ZNF329: variants seen among roughly 807,000 people sequenced by gnomAD.
The protein encoded by ZNF329 is zinc finger protein 329.
A neutral mutation model predicts 26.6 loss-of-function variants in ZNF329; 15 were observed. The observed-to-expected ratio is 0.56, with a 90% CI of 0.38 to 0.87. ZNF329 has a LOEUF of 0.87. Ranked by LOEUF, ZNF329 falls within the 40% of genes least tolerant of loss-of-function variation. The pLI is 0.00. For synonymous variants in ZNF329, 239 were observed against 233.5 expected, an observed-to-expected ratio of 1.02 and a Z score of -0.21; for missense variants, 651 against 651.9, an observed-to-expected ratio of 1.00 and a Z score of 0.02.
upstream of ZNF329, among the ~76,000 whole-genome samples, chr19:58,151,129 G>A (rs1294829957): frequency 1.3e-5 from 2 of 152,192 alleles, no homozygotes; most frequent in South Asian, 2.1e-4. Context: ...CGTGGCTCAC[G>A]CCTGTAATCC....
chr19:58,149,689 CA>C (rs2075405835), intron 1 of ZNF329, among the ~76,000 whole-genome samples: 1 of 152,238 alleles, frequency 6.6e-6, no homozygotes, highest in East Asian at 1.9e-4. Context: ...CGTACTTCAA[CA>C]AGCCCAAGTT....
intron 3 of ZNF329, among the ~76,000 whole-genome samples, chr19:58,137,425 G>T (rs2075095223): frequency 6.6e-6 from 1 of 152,008 alleles, no homozygotes; most frequent in South Asian, 2.1e-4. Context: ...ATGGTGGCAG[G>T]TGCCTGTAGT....
upstream of ZNF329, chr19:58,154,714 G>A (rs1243327096): frequency 6.6e-6 from 1 of 152,146 alleles, no homozygotes; most frequent in Non-Finnish European, 1.5e-5. Context: ...CCCGCCCCAG[G>A]CGGAGGTCGG....
intron 1 of ZNF329, among the ~76,000 whole-genome samples, chr19:58,150,550 G>A (rs997071456): frequency 1.3e-5 from 2 of 152,372 alleles, no homozygotes; most frequent in African/African-American, 4.8e-5. Flanking sequence ...AATCGCCACG[G>A]AGCGTCCCCA....
rs1340194048 is a variant in ZNF329, at chr19:58,127,951, T to C, written c.1553A>G (p.Lys518Arg). The change falls in exon 4 of 4, where the codon AAA becomes AGA. Residue 518 changes from lysine to arginine, a missense_variant. Transcript: ENST00000598312. ...AAGGGATGAGCTCTTTTGGAACATT[T>C]TTCCACACTGAGGACACCGGCTGGG... The part of the protein sequence containing the change: ...EGPSRCPQCG[K>R]MFQKSSSLVR... 6.2e-7 allele frequency: 1 copy of C among 1,613,702 alleles called. No homozygotes were observed. The highest frequency in any genetic ancestry group is 8.5e-7 in the Non-Finnish European group (1 of 1,179,858).
chr19:58,141,893 CA>C (rs75871989), intron 3 of ZNF329, among the ~76,000 whole-genome samples: 242 of 123,154 alleles, frequency 2.0e-3, no homozygotes, highest in Middle Eastern at 4.1e-3. Context: ...ACCTCCATCT[CA>C]AAAAAAAAAA....
chr19:58,147,549 G>A (rs2075347773), intron 1 of ZNF329, among the ~76,000 whole-genome samples: 1 of 144,700 alleles, frequency 6.9e-6, no homozygotes, highest in South Asian at 2.1e-4. Flanking sequence ...GGGAGGTGGG[G>A]GGGTCAGCCC....
At chr19:58,146,709 C>A (rs2075318589) in intron 1 of ZNF329, among the ~76,000 whole-genome samples, 1 of 152,094 alleles carries the variant, frequency 6.6e-6, no homozygotes, top group African/African-American at 2.4e-5. Flanking sequence ...CGCCGCCACG[C>A]CTGACTGGTT....
chr19:58,141,326 T>A (rs887582701), intron 3 of ZNF329, among the ~76,000 whole-genome samples: 25 of 149,526 alleles, frequency 1.7e-4, no homozygotes, highest in Admixed American at 6.7e-5. Flanking sequence ...TGAGACAGAG[T>A]CTCGCTGTGT....
chr19:58,135,990 T>A (rs2075056087), intron 3 of ZNF329, among the ~76,000 whole-genome samples: 1 of 152,094 alleles, frequency 6.6e-6, no homozygotes, highest in Non-Finnish European at 1.5e-5. Context: ...CCCAGCACTT[T>A]AGGGGGCAGA....
At chr19:58,150,167 A>G (rs193053136) in intron 1 of ZNF329, among the ~76,000 whole-genome samples, 1 of 152,350 alleles carries the variant, frequency 6.6e-6, no homozygotes, top group Non-Finnish European at 1.5e-5. Context: ...AATGGTCACT[A>G]AACACGTGCA....
At chr19:58,151,642 T>C (rs1036751054), upstream of ZNF329, among the ~76,000 whole-genome samples, 4 of 146,410 alleles carry the variant, frequency 2.7e-5, no homozygotes, top group Non-Finnish European at 6.0e-5. Flanking sequence ...ATATACAAGA[T>C]AGACAGTTCT....
At chr19:58,150,487 C>A (rs1237415013) in intron 1 of ZNF329, among the ~76,000 whole-genome samples, 1 of 152,228 alleles carries the variant, frequency 6.6e-6, no homozygotes, top group African/African-American at 2.4e-5. Flanking sequence ...AAGGAAAGAG[C>A]GGGGGCGTCC....
Position 58,127,780 on chromosome 19 carries a change from G to T in ZNF329, c.*98C>A. 1 of 1,195,808 alleles carries T rather than the reference G, an allele frequency of 8.4e-7. No individual in the cohort carries two copies. The highest frequency in any genetic ancestry group is 1.2e-6 in the Non-Finnish European group (1 of 846,960). The allele number at this position is 1,195,808 out of a possible 1,614,324, so 74.1% of individuals were successfully genotyped here. A position where few individuals can be genotyped will look rare whatever the true frequency, so the allele number is the denominator to read the frequency against. ...TCATCAATTCACTGGATAGCTTAAA[G>T]GATTCTTTTCTACTGACCAGAGAGG... On this transcript the variant is annotated 3_prime_UTR_variant, in exon 4 of 4. Coordinates refer to ENST00000598312, the MANE Select transcript of ZNF329 (RefSeq NM_024620.4).
chr19:58,142,167 G>T (rs1013535739), intron 3 of ZNF329, among the ~76,000 whole-genome samples: 1 of 152,142 alleles, frequency 6.6e-6, no homozygotes, highest in Non-Finnish European at 1.5e-5. Flanking sequence ...TATATGAAAT[G>T]TCCATAACAG....
chr19:58,145,478 T>C (rs753255519), intron 1 of ZNF329, among the ~76,000 whole-genome samples: 3 of 151,750 alleles, frequency 2.0e-5, no homozygotes, highest in Non-Finnish European at 4.4e-5. Context: ...CCCACCACCA[T>C]ACCCAGCTAA....
chr19:58,128,755 T>C lies in ZNF329; in HGVS notation c.749A>G (p.Gln250Arg). The change falls in exon 4 of 4, where the codon CAA becomes CGA. Residue 250 changes from glutamine to arginine, a missense_variant. By Grantham distance (43) the Gln-to-Arg change is conservative. Transcript: ENST00000598312. ...FSKNYNLIVHQRIHTGEKPYE... is the reference protein window; with the variant it reads ...FSKNYNLIVHRRIHTGEKPYE... ...GGGCTTCTCTCCTGTGTGGATTCTT[T>C]GATGCACAATCAGGTTGTAGTTCTT... is the stretch of plus-strand genomic sequence containing the variant. The C allele has an allele frequency of 6.2e-7, 1 of 1,604,326 alleles. No homozygotes were observed. Among genetic ancestry groups the C allele is most frequent in the Non-Finnish European group, 8.5e-7 (1 of 1,175,662 alleles).
intron 3 of ZNF329, among the ~76,000 whole-genome samples, chr19:58,135,868 A>G (rs1361153784): frequency 1.3e-5 from 2 of 152,222 alleles, no homozygotes; most frequent in Admixed American, 1.3e-4. Flanking sequence ...ACTCCTATTT[A>G]TTTGGAAAAA....
rs555302036 is a variant in ZNF329 at position 58,145,595 on chromosome 19, T to C, written c.-207-2397A>G. Among the ~76,000 whole-genome samples the C allele has an allele frequency of 1.4e-4, 22 of 152,266 alleles. 1 individual carries two copies. The Middle Eastern group carries it at 0.01, about 71-fold the overall frequency. On this transcript the variant is annotated intron_variant, in intron 1 of 3. Coordinates refer to ENST00000598312, the MANE Select transcript of ZNF329 (RefSeq NM_024620.4). The stretch of plus-strand genomic sequence containing the variant: ...CCTCAGCTTCCCAAGGTGCTGGGAT[T>C]ATAGGCGCGAGCCACTGCGCCAAGC...
Sources: gnomAD v4.1 joint callset for allele counts (sites outside exome capture counted in the v4.1 genomes callset) on GRCh38, gnomAD v4.1.1 for gene constraint, MANE v1.5 for transcripts, NCBI Gene and HGNC (gene_info 2026-07-23, HGNC 2026-07-21) for gene names.